The following RAB24 variants were observed in gnomAD, a reference collection of about 807,000 sequenced individuals.
RAB24 encodes the protein RAB24, member RAS oncogene family.
RAB24 carries 9 observed loss-of-function variants against 31.4 expected under a neutral mutation model. The observed-to-expected ratio is 0.29, with a 90% CI of 0.17 to 0.50. The LOEUF (loss-of-function observed/expected upper bound fraction) is 0.50. Among genes scored for constraint, RAB24 ranks in the 20% least tolerant of loss-of-function variants. The pLI, the probability that RAB24 is intolerant of heterozygous loss-of-function variation, is 0.98. For synonymous variants in RAB24, 106 were observed against 94.1 expected, an observed-to-expected ratio of 1.13 and a Z score of -0.73; for missense variants, 197 against 265.2, an observed-to-expected ratio of 0.74 and a Z score of 1.79.
chr5:177,302,529 C>A (rs1345894528), intron 4 of RAB24, 33 bp from the exon 5 acceptor site: 9 of 1,613,952 alleles, frequency 5.6e-6, no homozygotes, highest in East Asian at 2.2e-5. Flanking sequence ...CCTCCACAGG[C>A]CAACAAAACC....
At chr5:177,301,880 T>C (rs1562322964) in intron 7 of RAB24, 45 bp downstream of exon 7, 1 of 1,612,754 alleles carries the variant, frequency 6.2e-7, no homozygotes, top group African/African-American at 1.3e-5. Flanking sequence ...GGCTAGATGC[T>C]GTGGGCCTAG....
rs776937539 is a variant in RAB24 at position 177,303,087 on chromosome 5, G to C, written c.118-10C>G. On this transcript the variant is annotated splice_polypyrimidine_tract_variant and intron_variant, in intron 1 of 7. Coordinates refer to ENST00000303251, the MANE Select transcript of RAB24 (RefSeq NM_001031677.4). The surrounding 1 kb of genome is among the most constrained non-coding windows in gnomAD (Gnocchi z 6.1). ...AGGCGGCCCCGATGGTCTGCAACGA[G>C]AGGGAAGAGATCGGGGCCATAGGTG... The C allele has an allele frequency of 5.6e-6, 9 of 1,613,938 alleles. No individual in the cohort carries two copies. The highest frequency in any genetic ancestry group is 1.3e-5 in the African/African-American group (1 of 74,928).
Position 177,301,639 on chromosome 5 carries a change from G to C in RAB24, c.*104C>G. 7.6e-7 allele frequency: 1 copy of C among 1,322,950 alleles called. No homozygotes were observed. The highest frequency in any genetic ancestry group is 1.1e-6 in the Non-Finnish European group (1 of 925,730). 82.0% of individuals were successfully genotyped at this position (1,322,950 alleles called of 1,614,324 possible). Reference sequence around the variant, plus strand: ...GCAGGCGCCACTCTGCTGACATGAGGACCTGGGGTAGCTCAGACATTTGAC... The same window carrying C: ...GCAGGCGCCACTCTGCTGACATGAGCACCTGGGGTAGCTCAGACATTTGAC... On this transcript the variant is annotated 3_prime_UTR_variant, in exon 8 of 8. Transcript: ENST00000303251.
In RAB24 at chr5:177,303,333, G is replaced by A. The variant is rs763946134; in HGVS notation, c.-45C>T. 16 of 1,587,588 alleles carry A rather than the reference G, an allele frequency of 1.0e-5. No individual in the cohort carries two copies. Among genetic ancestry groups the A allele is most frequent in the Non-Finnish European group, 1.2e-5 (14 of 1,158,006 alleles). On this transcript the variant is annotated 5_prime_UTR_variant, in exon 1 of 8. Transcript: ENST00000303251. This position sits in a 1 kb window ranked among gnomAD's most constrained non-coding sequence, Gnocchi z 6.1. ...CCACGTCAGGGTCCTGAGCGGGGACGGGAGGCAAACCCCGATCTCCGCTCG... is the reference window on the plus strand; with the variant it reads ...CCACGTCAGGGTCCTGAGCGGGGACAGGAGGCAAACCCCGATCTCCGCTCG...
In RAB24 at chr5:177,302,663, G is replaced by A. The variant is rs752048379; in HGVS notation, c.266-19C>T. The stretch of plus-strand genomic sequence containing the variant: ...GTGAGGTCTTGGTGTGCGGCATGCA[G>A]GAGACAACCAAGTGGTCAAGGGCTG... On this transcript the variant is annotated intron_variant, in intron 3 of 7. Coordinates refer to ENST00000303251, the MANE Select transcript of RAB24 (RefSeq NM_001031677.4). 3.7e-6 allele frequency: 6 copies of A among 1,613,924 alleles called. No homozygotes were observed. The highest frequency in any genetic ancestry group is 5.1e-6 in the Non-Finnish European group (6 of 1,180,002).
rs986966924 is a variant in RAB24, at chr5:177,301,896, G to A, written c.547+29C>T. 8 of 1,613,300 alleles carry A rather than the reference G, an allele frequency of 5.0e-6. No homozygotes were observed. The African/African-American group carries it at 5.3e-5, about 11-fold the overall frequency. On this transcript the variant is annotated intron_variant, in intron 7 of 7. Transcript: ENST00000303251. The stretch of plus-strand genomic sequence containing the variant: ...GCTAGATGCTGTGGGCCTAGAGTAA[G>A]TCTCCATAAAGGCTGGGGAAGCACA...
At chr5:177,302,983 C>G (rs1402008157) in intron 2 of RAB24, 26 bp downstream of exon 2, 2 of 1,612,442 alleles carry the variant, frequency 1.2e-6, no homozygotes, top group Non-Finnish European at 1.7e-6. Flanking sequence ...ATGAGTCTCC[C>G]AAGAATAGAT....
intron 5 of RAB24, 41 bp from the exon 6 acceptor site, chr5:177,302,219 G>C (rs774788236): frequency 1.2e-6 from 2 of 1,608,284 alleles, no homozygotes; most frequent in Non-Finnish European, 1.7e-6. Flanking sequence ...CTGAGAATTA[G>C]ATAAACAGAC....
In RAB24 at chr5:177,302,488, T is replaced by C; in HGVS notation, c.342A>G (p.Gln114=). The C allele has an allele frequency of 6.2e-7, 1 of 1,613,970 alleles. No homozygotes were observed. The change falls in exon 5 of 8, where the codon CAA becomes CAG. Residue 114 remains glutamine (Q), a synonymous_variant. Transcript: ENST00000303251. ...CACTCTTGGTGCCACATAAGTAGAT[T>C]TGGCAGCCCTGAGGCAGAAGACAAG... ...KELRSLEEGC[Q]IYLCGTKSDL... is the part of the protein sequence containing the mutation.
chr5:177,301,643 T>TG lies in RAB24; in HGVS notation c.*99dup, dbSNP rs1760653837. The TG allele has an allele frequency of 2.2e-6, 3 of 1,368,452 alleles. No homozygotes were observed. Among genetic ancestry groups the TG allele is most frequent in the Non-Finnish European group, 3.1e-6 (3 of 964,906 alleles). The allele number at this position is 1,368,452 out of a possible 1,614,324, so 84.8% of individuals were successfully genotyped here. On this transcript the variant is annotated 3_prime_UTR_variant, in exon 8 of 8. Coordinates refer to ENST00000303251, the MANE Select transcript of RAB24 (RefSeq NM_001031677.4). Reference sequence around the variant, plus strand: ...GCGCCACTCTGCTGACATGAGGACCTGGGGTAGCTCAGACATTTGACTACC... The same window carrying TG: ...GCGCCACTCTGCTGACATGAGGACCTGGGGGTAGCTCAGACATTTGACTACC...
rs2127297007 is a variant in RAB24, at chr5:177,302,626, C to G, written c.284G>C (p.Ser95Thr). ...CACCCAGAACTTTGCTCGCTCAAAG[C>G]TGCTGCTGTCTGTGAGGTCTTGGTG... is the stretch of plus-strand genomic sequence containing the variant. ...IVCYDLTDSS[S>T]FERAKFWVKE... The change falls in exon 4 of 8, where the codon AGC becomes ACC. Residue 95 changes from serine (S) to threonine (T), a missense_variant. Ser to Thr is a moderately conservative substitution (Grantham distance 58). Around this residue, in one of 2 missense-constraint regions of RAB24, gnomAD observed 148 missense variants for 159.7 expected, o/e 0.93. Transcript: ENST00000303251. The G allele has an allele frequency of 1.2e-6, 2 of 1,614,190 alleles. No homozygotes were observed. Among genetic ancestry groups the G allele is most frequent in the East Asian group, 4.5e-5 (2 of 44,892 alleles).
chr5:177,303,154 C>T lies in RAB24; in HGVS notation c.117+18G>A. On this transcript the variant is annotated intron_variant, in intron 1 of 7. Transcript: ENST00000303251. This position sits in a 1 kb window ranked among gnomAD's most constrained non-coding sequence, Gnocchi z 6.1. ...CACTCCCCCGCCCACCGTGCCTGGC[C>T]CCTCCGGATGCACTCACGTTCTGAT... 6.2e-7 allele frequency: 1 copy of T among 1,613,502 alleles called. No homozygotes were observed. The highest frequency in any genetic ancestry group is 8.5e-7 in the Non-Finnish European group (1 of 1,179,878).
At chr5:177,302,374 C>A (rs373591253) in intron 5 of RAB24, 23 bp downstream of exon 5, 47 of 1,611,344 alleles carry the variant, frequency 2.9e-5, no homozygotes, top group African/African-American at 8.0e-5. Context: ...CCCCCACCCC[C>A]CAAAGGGCTG....
intron 7 of RAB24, 33 bp downstream of exon 7, chr5:177,301,891 AG>A (rs1480086627): frequency 6.2e-7 from 1 of 1,613,120 alleles, no homozygotes; most frequent in African/African-American, 1.3e-5. Flanking sequence ...GTGGGCCTAG[AG>A]TAAGTCTCCA....
chr5:177,302,985 A>G (rs1156319833), intron 2 of RAB24, 24 bp downstream of exon 2: 1 of 1,612,696 alleles, frequency 6.2e-7, no homozygotes, highest in East Asian at 2.2e-5. Context: ...GAGTCTCCCA[A>G]GAATAGATGG....
chr5:177,302,607 G>A lies in RAB24; in HGVS notation c.303C>T (p.Phe101=). 2 of 1,614,158 alleles carry A rather than the reference G, an allele frequency of 1.2e-6. No individual in the cohort carries two copies. The highest frequency in any genetic ancestry group is 1.7e-6 in the Non-Finnish European group (2 of 1,180,036). The change falls in exon 4 of 8, where the codon TTC becomes TTT. Residue 101 remains phenylalanine, a synonymous_variant. Transcript: ENST00000303251. Reference sequence around the variant, plus strand: ...CTAGGCTGCGCAGTTCCTTCACCCAGAACTTTGCTCGCTCAAAGCTGCTGC... The same window carrying A: ...CTAGGCTGCGCAGTTCCTTCACCCAAAACTTTGCTCGCTCAAAGCTGCTGC... ...TDSSSFERAK[F]WVKELRSLEE... is the part of the protein sequence containing the mutation.
chr5:177,301,584 A>G lies in RAB24; in HGVS notation c.*159T>C. On this transcript the variant is annotated 3_prime_UTR_variant, in exon 8 of 8. Transcript: ENST00000303251. ...CCTCCTCATGCCCACAGTCAGCCCA[A>G]TGCTGTCTCCGTTCCATGGGCCAGC... 1.3e-6 allele frequency: 1 copy of G among 785,588 alleles called. No individual in the cohort carries two copies. The highest frequency in any genetic ancestry group is 2.1e-6 in the Non-Finnish European group (1 of 483,842). 48.7% of individuals were successfully genotyped at this position (785,588 alleles called of 1,614,324 possible).
rs764732649 is a variant in RAB24, at chr5:177,301,788, C to G, written c.567G>C (p.Leu189=). 1 of 1,614,216 alleles carries G rather than the reference C, an allele frequency of 6.2e-7. No homozygotes were observed. Among genetic ancestry groups the G allele is most frequent in the Admixed American group, 1.7e-5 (1 of 60,024 alleles). ...AGAAGTAGGGGTTTGGCTTCTGGCCCAGATCCACGCCCTTGTCCTCTGTCA... is the reference window on the plus strand; with the variant it reads ...AGAAGTAGGGGTTTGGCTTCTGGCCGAGATCCACGCCCTTGTCCTCTGTCA... ...QVMTEDKGVD[L]GQKPNPYFYS... is the part of the protein sequence containing the mutation. The change falls in exon 8 of 8, where the codon CTG becomes CTC. Residue 189 remains leucine, a synonymous_variant. Transcript: ENST00000303251.
chr5:177,302,272 A>T (rs911578721), intron 5 of RAB24, 94 bp from the exon 6 acceptor site: 29 of 1,558,110 alleles, frequency 1.9e-5, no homozygotes, highest in Non-Finnish European at 2.7e-6. Context: ...TGGACCCCAC[A>T]GTTCAAGGAG....
Sources: gnomAD v4.1 joint callset for allele counts on GRCh38, gnomAD v4.1.1 for gene constraint, gnomAD v4.1.1 regional missense constraint, Gnocchi (gnomAD v3.1) non-coding constraint, MANE v1.5 for transcripts, NCBI Gene and HGNC (gene_info 2026-07-23, HGNC 2026-07-21) for gene names.